GAREM1: variants seen among roughly 807,000 people sequenced by gnomAD.
The protein encoded by GAREM1 is GRB2-associated and regulator of MAPK protein 1.
In GAREM1, 26 loss-of-function variants were observed where a neutral mutation model predicts 71.3. The observed-to-expected ratio is 0.36, with a 90% CI of 0.27 to 0.51. The LOEUF (loss-of-function observed/expected upper bound fraction) is 0.51, where lower values mean the gene tolerates loss of function less well. Among genes scored for constraint, GAREM1 ranks in the 20% least tolerant of loss-of-function variants. GAREM1 has a pLI of 0.95. For missense variants in GAREM1, 1,026 were observed against 1,103.1 expected, an observed-to-expected ratio of 0.93 and a Z score of 0.99; for synonymous variants, 440 against 433.2, an observed-to-expected ratio of 1.02 and a Z score of -0.20.
At chr18:32,280,373 C>T (rs550901690) in intron 4 of GAREM1, among the ~76,000 whole-genome samples, 14 of 152,312 alleles carry the variant, frequency 9.2e-5, no homozygotes, top group Non-Finnish European at 1.6e-4. Flanking sequence ...GATCTGGCAG[C>T]ACCAGGAGCT....
chr18:32,364,828 T>A (rs1445123924), intron 2 of GAREM1, among the ~76,000 whole-genome samples: 1 of 151,902 alleles, frequency 6.6e-6, no homozygotes, highest in African/African-American at 2.4e-5. Context: ...AAATCAAAGT[T>A]TTTAAATACG....
At chr18:32,429,350 C>T (rs1283957227) in intron 1 of GAREM1, among the ~76,000 whole-genome samples, 1 of 152,098 alleles carries the variant, frequency 6.6e-6, no homozygotes, top group Non-Finnish European at 1.5e-5. Flanking sequence ...GGATCAAAAG[C>T]CACTTAGGAT....
intron 2 of GAREM1, among the ~76,000 whole-genome samples, chr18:32,380,474 T>A (rs1197925021): frequency 2.0e-3 from 181 of 92,450 alleles, no homozygotes; most frequent in Non-Finnish European, 2.9e-3. Flanking sequence ...AGACTTCATT[T>A]AAAAAAAAAA....
At position 32,268,334 on chromosome 18, in the gene GAREM1, G is replaced by T; in HGVS notation, c.2168C>A (p.Pro723His). 1 of 1,614,130 alleles carries T rather than the reference G, an allele frequency of 6.2e-7. No individual in the cohort carries two copies. The highest frequency in any genetic ancestry group is 8.5e-7 in the Non-Finnish European group (1 of 1,180,008). Residue 723 changes from proline to histidine, a missense_variant, in exon 6 of 6, where the codon CCT becomes CAT. Pro to His is a moderately conservative substitution (Grantham distance 77). Coordinates refer to ENST00000269209, the MANE Select transcript of GAREM1 (RefSeq NM_001242409.2). ...AGVTKQSTSC[P>H]ALPPRAPKLV... is the part of the protein sequence containing the mutation. The stretch of plus-strand genomic sequence containing the variant: ...TTTTGGAGCCCTGGGGGGTAAGGCA[G>T]GGCATGACGTACTCTGCTTTGTCAC...
At chr18:32,398,570 A>G (rs2048280673) in intron 1 of GAREM1, among the ~76,000 whole-genome samples, 1 of 152,250 alleles carries the variant, frequency 6.6e-6, no homozygotes, top group South Asian at 2.1e-4. Flanking sequence ...AATCTAGAAG[A>G]AATGGGTAAA....
At chr18:32,322,172 G>A (rs2047435281) in intron 2 of GAREM1, among the ~76,000 whole-genome samples, 1 of 152,160 alleles carries the variant, frequency 6.6e-6, no homozygotes, top group South Asian at 2.1e-4. Context: ...GCCCATCTCT[G>A]GCTGAGGCTA....
At chr18:32,323,923 G>C (rs2047452352) in intron 2 of GAREM1, among the ~76,000 whole-genome samples, 1 of 151,660 alleles carries the variant, frequency 6.6e-6, no homozygotes, top group South Asian at 2.1e-4. Context: ...AAAATATAAA[G>C]GAAAGAGAAA....
At chr18:32,354,413 G>T (rs992477691) in intron 2 of GAREM1, among the ~76,000 whole-genome samples, 1 of 152,058 alleles carries the variant, frequency 6.6e-6, no homozygotes, top group Non-Finnish European at 1.5e-5. Flanking sequence ...TAAGAGAAAG[G>T]GGAGATAGGC....
intron 1 of GAREM1, among the ~76,000 whole-genome samples, chr18:32,415,826 C>T (rs1234565907): frequency 6.6e-6 from 1 of 152,102 alleles, no homozygotes; most frequent in Non-Finnish European, 1.5e-5. Context: ...ACAAGTAAGT[C>T]CATTGTCACC....
intron 2 of GAREM1, among the ~76,000 whole-genome samples, chr18:32,392,690 A>C (rs1048614322): frequency 6.6e-6 from 1 of 152,226 alleles, no homozygotes; most frequent in Non-Finnish European, 1.5e-5. Flanking sequence ...ATACCTAATA[A>C]GAATCCTCAT....
At chr18:32,309,401 G>A (rs1026918303) in intron 3 of GAREM1, among the ~76,000 whole-genome samples, 1 of 148,762 alleles carries the variant, frequency 6.7e-6, no homozygotes, top group Non-Finnish European at 1.5e-5. Context: ...AGATCACGAG[G>A]TCAGGAGCTT....
chr18:32,444,685 C>A (rs550471358), intron 1 of GAREM1, among the ~76,000 whole-genome samples: 5 of 152,262 alleles, frequency 3.3e-5, no homozygotes, highest in African/African-American at 1.2e-4. Flanking sequence ...ACCCCAAACA[C>A]CCAACAATGC....
intron 3 of GAREM1, among the ~76,000 whole-genome samples, chr18:32,301,449 A>T (rs2047201033): frequency 6.6e-6 from 1 of 152,192 alleles, no homozygotes; most frequent in Non-Finnish European, 1.5e-5. Flanking sequence ...TGAGTGGCTA[A>T]CCGGGTCTAA....
At chr18:32,307,920 G>C (rs2047272080) in intron 3 of GAREM1, among the ~76,000 whole-genome samples, 1 of 152,090 alleles carries the variant, frequency 6.6e-6, no homozygotes, top group Admixed American at 6.5e-5. Context: ...ACTATCCTTA[G>C]TTTATTTATT....
intron 2 of GAREM1, among the ~76,000 whole-genome samples, chr18:32,365,742 C>A (rs778461708): frequency 1.1e-4 from 16 of 152,174 alleles, no homozygotes; most frequent in Non-Finnish European, 1.5e-5. Flanking sequence ...TCAAAAGGCA[C>A]TCTGGGTACT....
intron 1 of GAREM1, among the ~76,000 whole-genome samples, chr18:32,435,810 G>A (rs1039720198): frequency 2.6e-5 from 4 of 152,148 alleles, no homozygotes; most frequent in African/African-American, 7.2e-5. Flanking sequence ...AGAAGTATTC[G>A]TGTTTGAATT....
chr18:32,442,729 T>A (rs765933916), intron 1 of GAREM1, among the ~76,000 whole-genome samples: 17 of 152,158 alleles, frequency 1.1e-4, no homozygotes, highest in Non-Finnish European at 2.2e-4. Context: ...AGTAGCTTTG[T>A]TCATTGTGCA....
At chr18:32,324,382 C>G (rs1168396103) in intron 2 of GAREM1, among the ~76,000 whole-genome samples, 2 of 152,178 alleles carry the variant, frequency 1.3e-5, no homozygotes, top group Non-Finnish European at 2.9e-5. Context: ...CACAGCCTAA[C>G]AGTAAACTCC....
chr18:32,274,957 A>C (rs2144427931), intron 4 of GAREM1, among the ~76,000 whole-genome samples: 1 of 147,830 alleles, frequency 6.8e-6, no homozygotes, highest in Non-Finnish European at 1.5e-5. Flanking sequence ...CACAAAAAAT[A>C]CAAAAAAAAA....
Sources: allele counts gnomAD v4.1 joint callset (sites outside exome capture counted in the v4.1 genomes callset), GRCh38; gene constraint gnomAD v4.1.1; transcripts MANE v1.5; gene names NCBI Gene and HGNC (gene_info 2026-07-23, HGNC 2026-07-21).